BCAP31: variants seen among roughly 807,000 people sequenced by gnomAD.
BCAP31 encodes B cell receptor associated protein 31.
For synonymous variants in BCAP31, 75 were observed against 80.9 expected, an observed-to-expected ratio of 0.93 and a Z score of 0.39; for missense variants, 124 against 193.0, an observed-to-expected ratio of 0.64 and a Z score of 2.12.
At position 153,715,736 on chromosome X, in the gene BCAP31, G is replaced by A. The variant is rs373499808; in HGVS notation, c.194-47C>T. The stretch of plus-strand genomic sequence containing the variant: ...ACACGGGCATTTAGCGGACACTAGG[G>A]CAAGATAAGGCCATACCAGGCAGAC... On this transcript the variant is annotated intron_variant, in intron 3 of 7. Transcript: ENST00000345046. 7 of 1,185,287 alleles carry A rather than the reference G, an allele frequency of 5.9e-6. No homozygotes were observed. The African/African-American group carries it at 1.2e-4, about 21-fold the overall frequency.
At chrX:153,708,528 G>A (rs1179471844) in intron 4 of BCAP31, among the ~76,000 whole-genome samples, 1 of 112,917 alleles carries the variant, frequency 8.9e-6, no homozygotes, top group East Asian at 2.8e-4. Context: ...GCCCCCAGCC[G>A]GCAGAAAGCC....
Position 153,703,165 on chromosome X carries a change from G to A in BCAP31, c.478-107C>T, listed in dbSNP as rs781970075. On this transcript the variant is annotated intron_variant, in intron 5 of 7. Coordinates refer to ENST00000345046, the MANE Select transcript of BCAP31 (RefSeq NM_001256447.2). The stretch of plus-strand genomic sequence containing the variant: ...GTTCCTCAAGCTGCCCTGGCCACAC[G>A]CCCCTTCGGAAATGTCAACGCGGAA... The A allele has an allele frequency of 5.5e-4, 578 of 1,059,888 alleles. 3 individuals are homozygous for A. In the South Asian group the frequency reaches 0.011, roughly 21 times the overall value. The allele number at this position is 1,059,888 out of a possible 1,213,427, so 87.3% of individuals were successfully genotyped here. A position where few individuals can be genotyped will look rare whatever the true frequency, so the allele number is the denominator to read the frequency against.
At chrX:153,715,379 G>A in intron 4 of BCAP31, 163 bp downstream of exon 4, 3 of 815,212 alleles carry the variant, frequency 3.7e-6, no homozygotes, top group South Asian at 2.6e-5. Flanking sequence ...GAGGTCAGGA[G>A]AAAACTATGT....
intron 3 of BCAP31, among the ~76,000 whole-genome samples, chrX:153,718,153 TA>T (rs2148382039): frequency 9.1e-6 from 1 of 109,796 alleles, no homozygotes; most frequent in African/African-American, 3.3e-5. Context: ...TCGTCTCTAC[TA>T]AAAATACAAA....
chrX:153,719,919 C>A lies in BCAP31; in HGVS notation c.193+953G>T, dbSNP rs180876951. Among the ~76,000 whole-genome samples, 6 of 112,096 alleles carry A rather than the reference C, an allele frequency of 5.4e-5. No homozygotes were observed. In the East Asian group the frequency reaches 1.7e-3, roughly 31 times the overall value. ...CCTGCTTGCCCTTGGACCAGTTTAT[C>A]TTTCAAGCACCTGCTAGTGTACACC... is the stretch of plus-strand genomic sequence containing the variant. On this transcript the variant is annotated intron_variant, in intron 3 of 7. Coordinates refer to ENST00000345046, the MANE Select transcript of BCAP31 (RefSeq NM_001256447.2).
Position 153,702,035 on chromosome X carries a change from C to A in BCAP31, c.674G>T (p.Arg225Leu). 8.3e-7 allele frequency: 1 copy of A among 1,211,226 alleles called. No homozygotes were observed. The highest frequency in any genetic ancestry group is 1.1e-6 in the Non-Finnish European group (1 of 895,018). Residue 225 changes from arginine (R) to leucine (L), a missense_variant, in exon 7 of 8, where the codon CGC becomes CTC. Coordinates refer to ENST00000345046, the MANE Select transcript of BCAP31 (RefSeq NM_001256447.2). ...CAGCTTTGCGTGCTCCTCCAGCAAG[C>A]GGTCGTACTCCTTGGTGAGGCCCTC... ...QSEGLTKEYD[R>L]LLEEHAKLQA...
intron 4 of BCAP31, among the ~76,000 whole-genome samples, chrX:153,710,250 G>T (rs1382606862): frequency 2.7e-5 from 3 of 111,778 alleles, no homozygotes; most frequent in East Asian, 5.6e-4. Context: ...CAGGCCAAAG[G>T]GGGGAAGGCA....
chrX:153,720,268 C>T (rs1323356841), intron 3 of BCAP31, among the ~76,000 whole-genome samples: 1 of 110,735 alleles, frequency 9.0e-6, no homozygotes, highest in Non-Finnish European at 1.9e-5. Context: ...CTTAGGCGTC[C>T]CTCCTTCCAA....
At chrX:153,701,318 T>C (rs1814993207) in intron 7 of BCAP31, among the ~76,000 whole-genome samples, 1 of 112,340 alleles carries the variant, frequency 8.9e-6, no homozygotes, top group Non-Finnish European at 1.9e-5. Context: ...CTTTGACAGG[T>C]GCCCTCGAAG....
intron 3 of BCAP31, among the ~76,000 whole-genome samples, chrX:153,716,119 T>A: frequency 9.6e-6 from 1 of 104,175 alleles, no homozygotes; most frequent in East Asian, 3.0e-4. Flanking sequence ...TGAGCCGAAA[T>A]TGAGCCACTG....
rs2091514743 is a variant in BCAP31, at chrX:153,700,983, G to A, written c.703-8C>T. Reference sequence around the variant, plus strand: ...GGGACCATCTACTGCAGCCTGGAAAGGGACAGAAATCCCACAGCAGTAGGT... The same window carrying A: ...GGGACCATCTACTGCAGCCTGGAAAAGGACAGAAATCCCACAGCAGTAGGT... On this transcript the variant is annotated splice_polypyrimidine_tract_variant and splice_region_variant and intron_variant, in intron 7 of 7. Transcript: ENST00000345046. 8.3e-7 allele frequency: 1 copy of A among 1,203,773 alleles called. No individual in the cohort carries two copies. Among genetic ancestry groups the A allele is most frequent in the Non-Finnish European group, 1.1e-6 (1 of 892,068 alleles).
At chrX:153,701,714 C>T (rs2074695005) in intron 7 of BCAP31, among the ~76,000 whole-genome samples, 1 of 113,204 alleles carries the variant, frequency 8.8e-6, no homozygotes, top group South Asian at 3.6e-4. Context: ...CTTCTTTGTT[C>T]TTGACCAGGC....
At chrX:153,722,327 C>G (rs1156234304) in intron 2 of BCAP31, among the ~76,000 whole-genome samples, 1 of 112,116 alleles carries the variant, frequency 8.9e-6, no homozygotes, top group Non-Finnish European at 1.9e-5. Flanking sequence ...CCAGCTTATT[C>G]TGGAAGCTCC....
intron 4 of BCAP31, among the ~76,000 whole-genome samples, chrX:153,704,633 G>A (rs2091542438): frequency 8.9e-6 from 1 of 111,943 alleles, no homozygotes; most frequent in Non-Finnish European, 1.9e-5. Context: ...AACCAGAAAT[G>A]GACATGGCTG....
At chrX:153,709,131 G>A (rs1557048707) in intron 4 of BCAP31, among the ~76,000 whole-genome samples, 3 of 111,777 alleles carry the variant, frequency 2.7e-5, no homozygotes, top group African/African-American at 9.7e-5. Context: ...AGCTATCTGA[G>A]GGGTTTGGGG....
At chrX:153,707,178 G>T (rs782040032) in intron 4 of BCAP31, among the ~76,000 whole-genome samples, 14 of 110,823 alleles carry the variant, frequency 1.3e-4, no homozygotes, top group African/African-American at 4.3e-4. Context: ...CGCCTTCTGG[G>T]GGCTCCTGCA....
At chrX:153,713,717 C>T (rs1182286427) in intron 4 of BCAP31, among the ~76,000 whole-genome samples, 4 of 109,880 alleles carry the variant, frequency 3.6e-5, no homozygotes, top group African/African-American at 1.3e-4. Context: ...CTCTTGCCCA[C>T]CTGTAATTTC....
chrX:153,721,052 C>T lies in BCAP31; in HGVS notation c.93-80G>A, dbSNP rs1603229787. 5 of 833,998 alleles carry T rather than the reference C, an allele frequency of 6.0e-6. No homozygotes were observed. In the African/African-American group the frequency reaches 8.1e-5, roughly 13 times the overall value. The allele number at this position is 833,998 out of a possible 1,213,427, so 68.7% of individuals were successfully genotyped here. ...TAGGGCCCTGAGCAAAATGGAAATCCAGCTTTGTACTCTTCTCCAATGGCC... is the reference window on the plus strand; with the variant it reads ...TAGGGCCCTGAGCAAAATGGAAATCTAGCTTTGTACTCTTCTCCAATGGCC... On this transcript the variant is annotated intron_variant, in intron 2 of 7. Coordinates refer to ENST00000345046, the MANE Select transcript of BCAP31 (RefSeq NM_001256447.2).
At position 153,724,375 on chromosome X, in the gene BCAP31, A is replaced by G. The variant is rs5987137; in HGVS notation, c.-86T>C. On this transcript the variant is annotated 5_prime_UTR_variant, in exon 1 of 8. Transcript: ENST00000345046. ...AACGTGCAGGCCCCGCCGCAGCAAC[A>G]GAACTCTCCCACAGCAGCCCCGGCC... 1.6e-5 allele frequency: 2 copies of G among 122,945 alleles called. No individual in the cohort carries two copies. Among genetic ancestry groups the G allele is most frequent in the African/African-American group, 6.6e-5 (2 of 30,506 alleles). The allele number at this position is 122,945 out of a possible 1,213,427, so 10.1% of individuals were successfully genotyped here.
Sources: allele counts gnomAD v4.1 joint callset (sites outside exome capture counted in the v4.1 genomes callset), GRCh38; gene constraint gnomAD v4.1.1; transcripts MANE v1.5; gene names NCBI Gene and HGNC (gene_info 2026-07-23, HGNC 2026-07-21).